SYNE1: variants seen among roughly 807,000 people sequenced by gnomAD.
The protein encoded by SYNE1 is spectrin repeat containing nuclear envelope protein 1, also known as nesprin-1.
In SYNE1, 616 loss-of-function variants were observed where a neutral mutation model predicts 1,111.0. The observed-to-expected ratio is 0.55, with a 90% confidence interval of 0.52 to 0.59. The LOEUF is 0.59. SYNE1 is among the 20% of genes least tolerant of loss of function. The pLI is 0.00. For synonymous variants in SYNE1, 3,855 were observed against 3,825.8 expected (o/e 1.01, Z -0.28); for missense variants, 10,006 against 10,417.0 (o/e 0.96, Z 1.72).
At chr6:152,243,241 A>G (rs2086220411) in intron 106 of SYNE1, among the ~76,000 whole-genome samples, 1 of 152,230 alleles carries the variant, frequency 6.6e-6, no homozygotes, top group Non-Finnish European at 1.5e-5. Flanking sequence ...GCAATTGAAT[A>G]TAATATCCTT....
chr6:152,550,614 G>T (rs1382327275), intron 3 of SYNE1, among the ~76,000 whole-genome samples: 4 of 151,386 alleles, frequency 2.6e-5, no homozygotes, highest in African/African-American at 9.7e-5. Context: ...CCTTGGATGG[G>T]CCTCAGTTTT....
chr6:152,366,851 C>T, intron 62 of SYNE1: 1 of 380,854 alleles, frequency 2.6e-6, no homozygotes, highest in South Asian at 2.1e-5. Context: ...GGAGAATTGG[C>T]TAAATACAGG....
rs141464488 is a variant in SYNE1, at chr6:152,450,832, A to G, written c.3188T>C (p.Val1063Ala). 7,957 of 1,613,814 alleles carry G rather than the reference A, an allele frequency of 4.9e-3. 20 individuals are homozygous for G. Among genetic ancestry groups the G allele is most frequent in the Non-Finnish European group, 6.2e-3 (7,335 of 1,179,880 alleles). ...GSEKIIKEHRVFFSDKGPHHL... is the reference protein window; with the variant it reads ...GSEKIIKEHRAFFSDKGPHHL... ...ATGAGGACCTTTGTCACTGAAGAAA[A>G]CCTAATGTGTAATAAATGTTTTTAT... The change falls in exon 27 of 146, where the codon GTT (valine) becomes GCT (alanine). Residue 1063 changes from valine (V) to alanine (A), a missense_variant and splice_region_variant. Transcript: ENST00000367255.
intron 3 of SYNE1, among the ~76,000 whole-genome samples, chr6:152,624,068 T>C (rs776380075): frequency 2.6e-5 from 4 of 152,180 alleles, no homozygotes; most frequent in Non-Finnish European, 5.9e-5. Flanking sequence ...GCAAATTTCA[T>C]AGCTATATCT....
At chr6:152,183,560 C>T (rs2068756743) in intron 128 of SYNE1, among the ~76,000 whole-genome samples, 1 of 151,992 alleles carries the variant, frequency 6.6e-6, no homozygotes, top group Non-Finnish European at 1.5e-5. Context: ...AAGATCACAC[C>T]ACTGCACTAC....
intron 115 of SYNE1, among the ~76,000 whole-genome samples, chr6:152,227,483 C>T (rs143412629): frequency 4.6e-5 from 7 of 152,170 alleles, no homozygotes; most frequent in African/African-American, 1.4e-4. Context: ...TCTCTTATTT[C>T]CACTCTATAA....
At chr6:152,136,362 T>C (rs1012107266) in intron 141 of SYNE1, among the ~76,000 whole-genome samples, 1 of 152,238 alleles carries the variant, frequency 6.6e-6, no homozygotes, top group African/African-American at 2.4e-5. Flanking sequence ...AGAAGGAGCG[T>C]TGCGACGGAG....
chr6:152,453,347 A>G (rs961933303), intron 25 of SYNE1: 2 of 633,670 alleles, frequency 3.2e-6, no homozygotes, highest in Non-Finnish European at 5.4e-6. Flanking sequence ...AAATCAGGAA[A>G]CCAAAAAGAA....
In SYNE1 at chr6:152,352,143, A is replaced by T. The variant is rs764048127; in HGVS notation, c.11464T>A (p.Ser3822Thr). The T allele has an allele frequency of 5.0e-6, 8 of 1,614,226 alleles. No homozygotes were observed. The South Asian group carries it at 8.8e-5, about 18-fold the overall frequency. The change falls in exon 70 of 146, where the codon TCA becomes ACA. Residue 3822 changes from serine to threonine, a missense_variant. Physicochemically the swap from Ser to Thr is moderately conservative, Grantham distance 58 (BLOSUM62 1). Coordinates refer to ENST00000367255, the MANE Select transcript of SYNE1 (RefSeq NM_182961.4). ...TGTGTCAGTGCTTTGCATTTATCTGAGAATTCCTTTGCTAAATGAAGACCT... is the reference window on the plus strand; with the variant it reads ...TGTGTCAGTGCTTTGCATTTATCTGTGAATTCCTTTGCTAAATGAAGACCT... Reference protein sequence around the residue: ...EKGLHLAKEFSDKCKALTQWI... With the variant: ...EKGLHLAKEFTDKCKALTQWI...
intron 76 of SYNE1, chr6:152,336,617 C>A (rs2096395759): frequency 4.9e-6 from 3 of 606,386 alleles, no homozygotes; most frequent in East Asian, 3.1e-5. Context: ...GGAGTTCAGG[C>A]ATTAATGCTT....
At chr6:152,570,694 T>C (rs545850219) in intron 3 of SYNE1, among the ~76,000 whole-genome samples, 12 of 152,264 alleles carry the variant, frequency 7.9e-5, no homozygotes, top group African/African-American at 2.6e-4. Flanking sequence ...CTAACAGCTG[T>C]TCCCTTAATC....
intron 39 of SYNE1, among the ~76,000 whole-genome samples, chr6:152,423,335 T>C (rs1217037375): frequency 6.6e-6 from 1 of 152,238 alleles, no homozygotes; most frequent in Admixed American, 6.5e-5. Flanking sequence ...CCTGTGTATA[T>C]ACATTAAATA....
At chr6:152,521,922 C>G (rs1250612570) in intron 5 of SYNE1, among the ~76,000 whole-genome samples, 1 of 151,980 alleles carries the variant, frequency 6.6e-6, no homozygotes, top group Admixed American at 6.6e-5. Context: ...GTTTTCCTAT[C>G]CCTGTGTCTA....
At chr6:152,264,051 A>G (rs959853997) in intron 100 of SYNE1, among the ~76,000 whole-genome samples, 1 of 151,702 alleles carries the variant, frequency 6.6e-6, no homozygotes, top group Non-Finnish European at 1.5e-5. Flanking sequence ...TCTACTAAAA[A>G]TACAAAAATT....
intron 21 of SYNE1, among the ~76,000 whole-genome samples, 153 bp downstream of exon 21, chr6:152,461,444 T>C (rs911514475): frequency 6.6e-6 from 1 of 152,136 alleles, no homozygotes; most frequent in Non-Finnish European, 1.5e-5. Context: ...TTTTTTTTAA[T>C]TCATGACAAA....
intron 31 of SYNE1, among the ~76,000 whole-genome samples, 193 bp from the exon 32 acceptor site, chr6:152,441,463 AAG>A (rs1326043775): frequency 2.6e-5 from 4 of 152,222 alleles, no homozygotes; most frequent in Non-Finnish European, 5.9e-5. Context: ...CATCTACAAA[AAG>A]AGAGGACACA....
chr6:152,408,924 A>C, intron 44 of SYNE1, 144 bp downstream of exon 44: 1 of 808,472 alleles, frequency 1.2e-6, no homozygotes, highest in Non-Finnish European at 1.9e-6. Flanking sequence ...ATTGCACTCC[A>C]GCCTGGGCAA....
chr6:152,517,051 T>C (rs2099115900), intron 6 of SYNE1, among the ~76,000 whole-genome samples: 1 of 152,244 alleles, frequency 6.6e-6, no homozygotes, highest in Non-Finnish European at 1.5e-5. Flanking sequence ...TTTTGCACAC[T>C]ATCCTAATGC....
In SYNE1 at chr6:152,178,725, A is replaced by G. The variant is rs577740437; in HGVS notation, c.23460+1411T>C. Among the ~76,000 whole-genome samples, 4 of 152,262 alleles carry G rather than the reference A, an allele frequency of 2.6e-5. No individual in the cohort carries two copies. In the East Asian group the frequency reaches 7.7e-4, roughly 29 times the overall value. Reference sequence around the variant, plus strand: ...ATATAGCAATAAACAAAATTAGACAAAGCCCATGCTCCTGGAAAGCTGACA... The same window carrying G: ...ATATAGCAATAAACAAAATTAGACAGAGCCCATGCTCCTGGAAAGCTGACA... On this transcript the variant is annotated intron_variant, in intron 129 of 145. Transcript: ENST00000367255.
Sources: allele counts gnomAD v4.1 joint callset (sites outside exome capture counted in the v4.1 genomes callset), GRCh38; gene constraint gnomAD v4.1.1; transcripts MANE v1.5; gene names NCBI Gene and HGNC (gene_info 2026-07-23, HGNC 2026-07-21).